C5orf46: variants seen among roughly 807,000 people sequenced by gnomAD.
C5orf46 encodes chromosome 5 open reading frame 46.
A neutral mutation model predicts 8.9 loss-of-function variants in C5orf46; 9 were observed. The observed-to-expected ratio is 1.01, with a 90% confidence interval of 0.61 to 1.76. The LOEUF (loss-of-function observed/expected upper bound fraction) is 1.76. Ranked by LOEUF, C5orf46 falls within the 40% of genes most tolerant of loss-of-function variation. The pLI is 0.00. For missense variants in C5orf46, 98 were observed against 107.8 expected (o/e 0.91, Z 0.40); for synonymous variants, 47 against 41.4 (o/e 1.14, Z -0.52).
In C5orf46 at chr5:147,901,660, C is replaced by T. The variant is rs772440075; in HGVS notation, c.184G>A (p.Glu62Lys). 1.9e-6 allele frequency: 3 copies of T among 1,613,974 alleles called. No homozygotes were observed. The highest frequency in any genetic ancestry group is 2.2e-5 in the South Asian group (2 of 91,076). The change falls in exon 2 of 4, where the codon GAG becomes AAG. Residue 62 changes from glutamate to lysine, a missense_variant. By Grantham distance (56) the Glu-to-Lys change is moderately conservative. Transcript: ENST00000318315. ...LGTEIIENAV[E>K]FILRSMSRST... The stretch of plus-strand genomic sequence containing the variant: ...CTGGACATGGAGCGGAGGATGAACT[C>T]GACTGCATTCTCAATGATCTCTGTG...
chr5:147,901,527 G>T, intron 2 of C5orf46, 102 bp downstream of exon 2: 1 of 1,027,946 alleles, frequency 9.7e-7, no homozygotes, highest in Non-Finnish European at 1.4e-6. Flanking sequence ...ATTTACTTAT[G>T]CCACAAATTT....
At chr5:147,887,730 A>G (rs1379123588), downstream of C5orf46, 1 of 152,208 alleles carries the variant, frequency 6.6e-6, no homozygotes, top group Non-Finnish European at 1.5e-5. Context: ...TAGGATCCTA[A>G]GAAAGGTCAC....
chr5:147,893,281 CTTTTT>C (rs768391434), intron 3 of C5orf46, among the ~76,000 whole-genome samples: 1 of 127,666 alleles, frequency 7.8e-6, no homozygotes, highest in African/African-American at 2.9e-5. Context: ...TCACATAAAT[CTTTTT>C]TTTTTTTTTT....
downstream of C5orf46, among the ~76,000 whole-genome samples, chr5:147,891,814 T>A (rs1217831650): frequency 6.6e-6 from 1 of 152,200 alleles, no homozygotes; most frequent in Non-Finnish European, 1.5e-5. Flanking sequence ...GAGTGTGAGT[T>A]GTCTGAATTT....
intron 2 of C5orf46, among the ~76,000 whole-genome samples, chr5:147,899,162 A>G (rs1351461228): frequency 6.6e-6 from 1 of 152,138 alleles, no homozygotes; most frequent in Non-Finnish European, 1.5e-5. Context: ...TCTTTGGCTG[A>G]CATTTATCTT....
chr5:147,904,848 C>A (rs1757725724), intron 1 of C5orf46, among the ~76,000 whole-genome samples: 1 of 149,264 alleles, frequency 6.7e-6, no homozygotes, highest in Non-Finnish European at 1.5e-5. Flanking sequence ...TATACACACA[C>A]ATACATATAT....
At chr5:147,902,872 T>A (rs958647774) in intron 1 of C5orf46, among the ~76,000 whole-genome samples, 3 of 152,322 alleles carry the variant, frequency 2.0e-5, no homozygotes, top group African/African-American at 7.2e-5. Context: ...GTTGTGTAAT[T>A]TTATCCCCTG....
At chr5:147,897,228 T>G (rs1330333867) in intron 2 of C5orf46, among the ~76,000 whole-genome samples, 187 bp from the exon 3 acceptor site, 1 of 152,190 alleles carries the variant, frequency 6.6e-6, no homozygotes, top group Non-Finnish European at 1.5e-5. Context: ...ATAATTATCT[T>G]TTTTGCATCT....
chr5:147,900,169 C>T (rs941069694), intron 2 of C5orf46, among the ~76,000 whole-genome samples: 6 of 152,068 alleles, frequency 3.9e-5, no homozygotes, highest in African/African-American at 1.4e-4. Flanking sequence ...CTCCTATTGT[C>T]GGCCTATGAC....
chr5:147,896,463 G>A (rs1561630593), intron 3 of C5orf46, among the ~76,000 whole-genome samples: 1 of 152,040 alleles, frequency 6.6e-6, no homozygotes, highest in Non-Finnish European at 1.5e-5. Context: ...TAACACTTTT[G>A]TTTTCGTATT....
chr5:147,895,052 G>A (rs1378924222), intron 3 of C5orf46, among the ~76,000 whole-genome samples: 1 of 143,526 alleles, frequency 7.0e-6, no homozygotes, highest in Non-Finnish European at 1.5e-5. Context: ...GACAGAGTGA[G>A]ACTCTGTCTC....
chr5:147,893,520 A>G (rs1561629607), intron 3 of C5orf46, among the ~76,000 whole-genome samples: 1 of 151,752 alleles, frequency 6.6e-6, no homozygotes, highest in South Asian at 2.1e-4. Flanking sequence ...TCCTGATCTC[A>G]TGATTTGCCT....
chr5:147,886,155 G>A (rs566672676), intron 2 of C5orf46: 23 of 152,196 alleles, frequency 1.5e-4, no homozygotes, highest in Admixed American at 7.9e-4. Flanking sequence ...GAACAAATTT[G>A]TAATTTCCAG....
intron 2 of C5orf46, chr5:147,901,234 C>T (rs1757664395): frequency 6.4e-6 from 1 of 155,990 alleles, no homozygotes; most frequent in African/African-American, 2.4e-5. Context: ...TTTAACTTCA[C>T]AGTTAAAATA....
At chr5:147,887,591 A>T (rs1401120999) in intron 2 of C5orf46, 1 of 152,218 alleles carries the variant, frequency 6.6e-6, no homozygotes, top group Admixed American at 6.6e-5. Flanking sequence ...CAGGAAGCAT[A>T]CAGTAATAAA....
At position 147,901,894 on chromosome 5, in the gene C5orf46, T is replaced by C. The variant is rs1757677729; in HGVS notation, c.71-121A>G. ...CACAAATTTCATAGCCTTATATGGT[T>C]ATATTCATCGAACATTTAATGCCTG... On this transcript the variant is annotated intron_variant, in intron 1 of 3. Transcript: ENST00000318315. The C allele has an allele frequency of 5.0e-6, 5 of 991,918 alleles. No individual in the cohort carries two copies. In the South Asian group the frequency reaches 9.3e-5, roughly 18 times the overall value. The allele number at this position is 991,918 out of a possible 1,614,324, so 61.4% of individuals were successfully genotyped here.
chr5:147,899,811 A>T (rs1757640262), intron 2 of C5orf46, among the ~76,000 whole-genome samples: 1 of 152,154 alleles, frequency 6.6e-6, no homozygotes. Flanking sequence ...TAGTCATTAG[A>T]AAAGGAGAGT....
At chr5:147,894,162 T>G (rs1757545972) in intron 3 of C5orf46, among the ~76,000 whole-genome samples, 2 of 152,158 alleles carry the variant, frequency 1.3e-5, no homozygotes, top group Admixed American at 1.3e-4. Flanking sequence ...ATTCATAAAG[T>G]GACTTTCTAT....
At chr5:147,895,168 A>G (rs1382710023) in intron 3 of C5orf46, among the ~76,000 whole-genome samples, 2 of 152,118 alleles carry the variant, frequency 1.3e-5, no homozygotes, top group Non-Finnish European at 2.9e-5. Context: ...CATGCCTATA[A>G]TCGGAACAGT....
Sources: gnomAD v4.1 joint callset for allele counts (sites outside exome capture counted in the v4.1 genomes callset) on GRCh38, gnomAD v4.1.1 for gene constraint, MANE v1.5 for transcripts, NCBI Gene and HGNC (gene_info 2026-07-23, HGNC 2026-07-21) for gene names.